The following PCDHGA4 variants were observed in gnomAD, a reference collection of about 807,000 sequenced individuals.
PCDHGA4 encodes protocadherin gamma-A4.
In PCDHGA4, 38 loss-of-function variants were observed where a neutral mutation model predicts 54.6. That is an observed-to-expected ratio of 0.70 (90% CI 0.54 to 0.91). PCDHGA4 has a LOEUF of 0.91. Among genes scored for constraint, PCDHGA4 ranks in the 40% least tolerant of loss-of-function variants. The probability of loss-of-function intolerance (pLI) is 0.00; values close to 1 mark genes in which losing one functional copy is unlikely to be tolerated. For synonymous variants in PCDHGA4, 511 were observed against 512.9 expected, an observed-to-expected ratio of 1.00 and a Z score of 0.05; for missense variants, 1,298 against 1,220.9, an observed-to-expected ratio of 1.06 and a Z score of -0.94.
At chr5:141,413,722 T>TCC (rs1330658153) in intron 1 of PCDHGA4, 1 of 1,613,450 alleles carries the variant, frequency 6.2e-7, no homozygotes. Context: ...TAAGCACTTC[T>TCC]CCCTAAGAGT....
In PCDHGA4 at chr5:141,511,330, T is replaced by C; in HGVS notation, c.*157T>C. 1 of 1,455,994 alleles carries C rather than the reference T, an allele frequency of 6.9e-7. No homozygotes were observed. The highest frequency in any genetic ancestry group is 9.1e-7 in the Non-Finnish European group (1 of 1,093,254). 90.2% of individuals were successfully genotyped at this position (1,455,994 alleles called of 1,614,324 possible). ...TTGGGAAACAGAAACAAGTGCCCAG[T>C]CAGCACCTACCCCTTCCCCCCCAGG... On this transcript the variant is annotated 3_prime_UTR_variant, in exon 4 of 4. Coordinates refer to ENST00000571252, the MANE Select transcript of PCDHGA4 (RefSeq NM_018917.4).
At chr5:141,401,115 G>A (rs923480761) in intron 1 of PCDHGA4, among the ~76,000 whole-genome samples, 8 of 152,092 alleles carry the variant, frequency 5.3e-5, no homozygotes, top group Admixed American at 3.9e-4. Context: ...AGGCCGAGGC[G>A]GTTGGATCAC....
chr5:141,364,575 G>T (rs372313739), intron 1 of PCDHGA4: 9 of 1,614,070 alleles, frequency 5.6e-6, no homozygotes, highest in East Asian at 2.2e-5. Flanking sequence ...CCGCGAAGCG[G>T]CAGCTTGGTC....
At chr5:141,366,695 G>A (rs1764747221) in intron 1 of PCDHGA4, 2 of 1,614,238 alleles carry the variant, frequency 1.2e-6, no homozygotes, top group Non-Finnish European at 8.5e-7. Context: ...TGAGAAAAGC[G>A]AGCCTCTTCT....
In PCDHGA4 at chr5:141,356,876, T is replaced by A; in HGVS notation, c.1769T>A (p.Val590Asp). The A allele has an allele frequency of 6.2e-7, 1 of 1,614,184 alleles. No homozygotes were observed. Among genetic ancestry groups the A allele is most frequent in the Non-Finnish European group, 8.5e-7 (1 of 1,180,024 alleles). ...TTTGTGCTGGACCAGAACGACAATGTCCCTGAGATCCTGTACCCCACCTTC... is the reference window on the plus strand; with the variant it reads ...TTTGTGCTGGACCAGAACGACAATGACCCTGAGATCCTGTACCCCACCTTC... ...SLFVLDQNDN[V>D]PEILYPTFPT... The change falls in exon 1 of 4, where the codon GTC (valine) becomes GAC (aspartate). Residue 590 changes from valine (V) to aspartate (D), a missense_variant. By Grantham distance (152) the Val-to-Asp change is radical. Transcript: ENST00000571252.
intron 1 of PCDHGA4, among the ~76,000 whole-genome samples, chr5:141,386,696 G>A (rs2090675281): frequency 6.6e-6 from 1 of 152,096 alleles, no homozygotes; most frequent in African/African-American, 2.4e-5. Context: ...ACTTGGGGTA[G>A]AAGACAATGT....
chr5:141,389,750 C>A (rs751642051), intron 1 of PCDHGA4: 4 of 1,612,642 alleles, frequency 2.5e-6, no homozygotes, highest in African/African-American at 2.7e-5. Context: ...TGCGCACGGG[C>A]GAAGTGCGCA....
chr5:141,355,074 C>A lies in PCDHGA4; in HGVS notation c.-34C>A. On this transcript the variant is annotated 5_prime_UTR_variant, in exon 1 of 4. Coordinates refer to ENST00000571252, the MANE Select transcript of PCDHGA4 (RefSeq NM_018917.4). ...CACTGGCTCTGGAGCTTTATGAAAG[C>A]TTCAAGCGGAAGCCCTGAGAGCTCT... 7.2e-7 allele frequency: 1 copy of A among 1,383,750 alleles called. No individual in the cohort carries two copies. Among genetic ancestry groups the A allele is most frequent in the East Asian group, 2.4e-5 (1 of 41,396 alleles). The allele number at this position is 1,383,750 out of a possible 1,614,324, so 85.7% of individuals were successfully genotyped here.
At chr5:141,427,410 G>GA (rs1197961039) in intron 1 of PCDHGA4, 3 of 463,834 alleles carry the variant, frequency 6.5e-6, no homozygotes, top group African/African-American at 2.0e-5. Flanking sequence ...AGATTCGAGA[G>GA]AAAATGGGGA....
At chr5:141,362,475 C>T (rs377414044) in intron 1 of PCDHGA4, 12 of 1,613,908 alleles carry the variant, frequency 7.4e-6, no homozygotes, top group African/African-American at 1.3e-5. Flanking sequence ...CGCAAGATCT[C>T]GTCTGTGACA....
chr5:141,409,881 C>T (rs2095330257), intron 1 of PCDHGA4: 1 of 1,612,978 alleles, frequency 6.2e-7, no homozygotes, highest in Non-Finnish European at 8.5e-7. Context: ...GACAACGCAC[C>T]GCGGGTGCTG....
chr5:141,471,717 C>T (rs1196344901), intron 1 of PCDHGA4, among the ~76,000 whole-genome samples: 1 of 152,022 alleles, frequency 6.6e-6, no homozygotes, highest in Non-Finnish European at 1.5e-5. Flanking sequence ...GTGCCACTTA[C>T]CAGGTAAGGA....
chr5:141,376,129 C>G, intron 1 of PCDHGA4: 2 of 1,613,928 alleles, frequency 1.2e-6, no homozygotes, highest in Non-Finnish European at 1.7e-6. Context: ...AGCCCTCCGC[C>G]AAACCCAACG....
chr5:141,434,547 A>G (rs1277148299), intron 1 of PCDHGA4, among the ~76,000 whole-genome samples: 1 of 152,232 alleles, frequency 6.6e-6, no homozygotes, highest in East Asian at 1.9e-4. Context: ...AGCATGAGTG[A>G]TCTGTGCCTT....
chr5:141,372,053 C>T, intron 1 of PCDHGA4: 1 of 1,613,498 alleles, frequency 6.2e-7, no homozygotes, highest in Middle Eastern at 1.7e-4. Context: ...TGTTGGTGGA[C>T]GACCGCAACG....
In PCDHGA4 at chr5:141,430,843, C is replaced by T. The variant is rs1370427603; in HGVS notation, c.2515-63964C>T. 2.6e-6 allele frequency: 4 copies of T among 1,568,356 alleles called. No homozygotes were observed. The African/African-American group carries it at 4.1e-5, about 16-fold the overall frequency. On this transcript the variant is annotated intron_variant, in intron 1 of 3. Coordinates refer to ENST00000571252, the MANE Select transcript of PCDHGA4 (RefSeq NM_018917.4). ...TGGGGACTCTGTGGGAGACCGGATG[C>T]ACCCAGATACGCTATTCAGTTCCGG...
intron 1 of PCDHGA4, chr5:141,399,805 T>G (rs776266997): frequency 6.2e-7 from 1 of 1,613,192 alleles, no homozygotes; most frequent in Admixed American, 1.7e-5. Context: ...GCGGGTGCTG[T>G]ACCCCGCGCT....
intron 1 of PCDHGA4, among the ~76,000 whole-genome samples, chr5:141,436,522 C>T (rs933890051): frequency 3.9e-5 from 6 of 152,088 alleles, no homozygotes; most frequent in African/African-American, 1.4e-4. Context: ...ACTGTGTCAC[C>T]TTTAGCAAGT....
At chr5:141,464,044 C>T (rs898632465) in intron 1 of PCDHGA4, among the ~76,000 whole-genome samples, 1 of 152,086 alleles carries the variant, frequency 6.6e-6, no homozygotes, top group African/African-American at 2.4e-5. Context: ...GCGGGTGGAT[C>T]ACCTGAGGTC....
Sources: gnomAD v4.1 joint callset for allele counts (sites outside exome capture counted in the v4.1 genomes callset) on GRCh38, gnomAD v4.1.1 for gene constraint, MANE v1.5 for transcripts, NCBI Gene and HGNC (gene_info 2026-07-23, HGNC 2026-07-21) for gene names.